The following TANC2 variants were observed in gnomAD, a reference collection of about 807,000 sequenced individuals.
TANC2 encodes the protein protein TANC2.
In TANC2, 26 loss-of-function variants were observed where a neutral mutation model predicts 210.5. The observed-to-expected ratio is 0.12, with a 90% CI of 0.09 to 0.17. The LOEUF (loss-of-function observed/expected upper bound fraction) is 0.17. Among genes scored for constraint, TANC2 ranks in the 10% least tolerant of loss-of-function variants. The pLI is 1.00. For synonymous variants in TANC2, 931 were observed against 967.1 expected (o/e 0.96, Z 0.69); for missense variants, 2,129 against 2,608.9 (o/e 0.82, Z 4.01).
chr17:63,110,225 T>C (rs541945696), intron 4 of TANC2, among the ~76,000 whole-genome samples: 2 of 151,812 alleles, frequency 1.3e-5, no homozygotes, highest in East Asian at 1.9e-4. Flanking sequence ...GAAACTGTTA[T>C]TGGTAGTTTC....
At position 63,027,961 on chromosome 17, in the gene TANC2, A is replaced by G. The variant is rs191638562; in HGVS notation, c.67+18335A>G. Among the ~76,000 whole-genome samples the G allele has an allele frequency of 8.5e-4, 129 of 151,982 alleles. 1 individual carries two copies. The highest frequency in any genetic ancestry group is 2.5e-3 in the African/African-American group (105 of 41,468). Reference sequence around the variant, plus strand: ...TTTTTTTCTATTCTATTCTGGTTCTATTTGACTCCCCAGAGAAAATAGGTT... The same window carrying G: ...TTTTTTTCTATTCTATTCTGGTTCTGTTTGACTCCCCAGAGAAAATAGGTT... On this transcript the variant is annotated intron_variant, in intron 2 of 27. Transcript: ENST00000689528.
intron 8 of TANC2, among the ~76,000 whole-genome samples, chr17:63,249,731 A>G (rs2043005781): frequency 1.3e-5 from 2 of 152,208 alleles, no homozygotes; most frequent in African/African-American, 2.4e-5. Flanking sequence ...TGGGCTTTTC[A>G]GCAGTCAGAA....
At chr17:63,196,564 A>G (rs2041353442) in intron 6 of TANC2, among the ~76,000 whole-genome samples, 2 of 152,218 alleles carry the variant, frequency 1.3e-5, no homozygotes, top group Non-Finnish European at 2.9e-5. Context: ...TTACTTGTAC[A>G]TTACTGAATA....
intron 14 of TANC2, among the ~76,000 whole-genome samples, chr17:63,372,240 C>T (rs2047290424): frequency 1.3e-5 from 2 of 152,178 alleles, no homozygotes. Context: ...TAGCTCTGTC[C>T]TTACCCTCCC....
intron 9 of TANC2, among the ~76,000 whole-genome samples, chr17:63,312,560 A>G (rs1286351316): frequency 6.6e-6 from 1 of 152,132 alleles, no homozygotes; most frequent in Non-Finnish European, 1.5e-5. Flanking sequence ...AACAGTAGAC[A>G]CTGGGGACTG....
intron 9 of TANC2, among the ~76,000 whole-genome samples, chr17:63,292,915 A>G (rs1478849583): frequency 6.6e-6 from 1 of 152,214 alleles, no homozygotes. Context: ...TACGATGCAA[A>G]CTGAGGCAGC....
At chr17:63,351,265 A>T (rs2046599089) in exon 13 of TANC2, 3 of 1,605,588 alleles carry the variant, frequency 1.9e-6, no homozygotes, top group African/African-American at 2.7e-5. Flanking sequence ...AAAATCCCAG[A>T]TGAAGATTTC....
chr17:63,084,735 CTG>C (rs2036898302), intron 3 of TANC2, among the ~76,000 whole-genome samples: 1 of 151,884 alleles, frequency 6.6e-6, no homozygotes, highest in African/African-American at 2.4e-5. Flanking sequence ...CTTCTTTGAA[CTG>C]TGTGTTATTT....
rs545088783 is a variant in TANC2 at position 63,172,322 on chromosome 17, C to T, written c.433+20942C>T. 1.9e-3 allele frequency among the ~76,000 whole-genome samples: 281 copies of T among 151,816 alleles called. 1 individual carries two copies. Among genetic ancestry groups the T allele is most frequent in the African/African-American group, 6.5e-3 (270 of 41,382 alleles). On this transcript the variant is annotated intron_variant, in intron 5 of 27. Transcript: ENST00000689528. Reference sequence around the variant, plus strand: ...TCAGCCTCCTGAGTAGCTGGGATTACAGGCGCCCGCCACCATTCCCAGCTA... The same window carrying T: ...TCAGCCTCCTGAGTAGCTGGGATTATAGGCGCCCGCCACCATTCCCAGCTA...
intron 2 of TANC2, among the ~76,000 whole-genome samples, chr17:63,040,398 G>T (rs924877232): frequency 3.3e-5 from 5 of 152,054 alleles, no homozygotes; most frequent in African/African-American, 1.2e-4. Flanking sequence ...AAACATGGAG[G>T]CTTAGTTTCC....
chr17:63,100,460 G>A (rs1260257271), intron 4 of TANC2, among the ~76,000 whole-genome samples: 1 of 151,988 alleles, frequency 6.6e-6, no homozygotes, highest in Non-Finnish European at 1.5e-5. Flanking sequence ...AAAAAAATAG[G>A]TAAAATAGCC....
intron 9 of TANC2, among the ~76,000 whole-genome samples, chr17:63,288,579 T>C (rs1329099613): frequency 2.0e-5 from 3 of 152,306 alleles, no homozygotes; most frequent in African/African-American, 7.2e-5. Context: ...CTTACTGATT[T>C]TTCTGCCTGT....
At chr17:63,131,692 A>G (rs2038926084) in intron 4 of TANC2, among the ~76,000 whole-genome samples, 1 of 152,204 alleles carries the variant, frequency 6.6e-6, no homozygotes. Context: ...CATTTAAAGG[A>G]CTTGTTAAAA....
chr17:63,351,018 G>GAT (rs1042580129), intron 12 of TANC2, among the ~76,000 whole-genome samples: 4 of 152,006 alleles, frequency 2.6e-5, no homozygotes, highest in Non-Finnish European at 4.4e-5. Context: ...TGAAAATGAT[G>GAT]ATATATATAC....
intron 1 of TANC2, among the ~76,000 whole-genome samples, chr17:62,992,799 A>G (rs1030721327): frequency 6.6e-6 from 1 of 152,160 alleles, no homozygotes; most frequent in African/African-American, 2.4e-5. Context: ...TTTGTTTCCT[A>G]TTGCTGCTGT....
At chr17:63,079,517 C>T (rs1203028892) in intron 3 of TANC2, among the ~76,000 whole-genome samples, 1 of 152,030 alleles carries the variant, frequency 6.6e-6, no homozygotes, top group Non-Finnish European at 1.5e-5. Context: ...TCATCTTAAC[C>T]TTCTGTTTTA....
intron 1 of TANC2, among the ~76,000 whole-genome samples, chr17:63,003,763 T>C (rs1233870134): frequency 2.6e-5 from 4 of 152,248 alleles, no homozygotes; most frequent in African/African-American, 4.8e-5. Flanking sequence ...TTTTCTTTAA[T>C]GTTATCTTAG....
chr17:63,308,488 A>T (rs147531930), intron 9 of TANC2, among the ~76,000 whole-genome samples: 257 of 152,282 alleles, frequency 1.7e-3, no homozygotes, highest in Non-Finnish European at 3.1e-3. Flanking sequence ...ACTGCCTGTC[A>T]CTCAAAGGAA....
chr17:63,386,269 C>T (rs2047776668), intron 15 of TANC2, among the ~76,000 whole-genome samples: 1 of 151,960 alleles, frequency 6.6e-6, no homozygotes, highest in African/African-American at 2.4e-5. Flanking sequence ...CCAATTCAAA[C>T]CAAAAAAATT....
Sources: allele counts gnomAD v4.1 joint callset (sites outside exome capture counted in the v4.1 genomes callset), GRCh38; gene constraint gnomAD v4.1.1; transcripts MANE v1.5; gene names NCBI Gene and HGNC (gene_info 2026-07-23, HGNC 2026-07-21).